GALNT13: variants seen among roughly 807,000 people sequenced by gnomAD.
GALNT13 encodes the protein polypeptide N-acetylgalactosaminyltransferase 13.
A neutral mutation model predicts 64.2 loss-of-function variants in GALNT13; 28 were observed. That is an observed-to-expected ratio of 0.44 (90% CI 0.32 to 0.60). The LOEUF (loss-of-function observed/expected upper bound fraction) is 0.60, where lower values mean the gene tolerates loss of function less well. GALNT13 is among the 20% of genes least tolerant of loss of function. The pLI, the probability that GALNT13 is intolerant of heterozygous loss-of-function variation, is 0.05. For synonymous variants in GALNT13, 214 were observed against 224.6 expected (o/e 0.95, Z 0.42); for missense variants, 577 against 669.8 (o/e 0.86, Z 1.53).
chr2:153,243,595 T>G, the GALNT13 span, among the ~76,000 whole-genome samples: 2 of 152,200 alleles, frequency 1.3e-5, no homozygotes, highest in Non-Finnish European at 2.9e-5. Context: ...GCAGAATGTG[T>G]TTTTGCAAGT....
chr2:153,266,259 T>G, the GALNT13 span, among the ~76,000 whole-genome samples: 14 of 152,216 alleles, frequency 9.2e-5, no homozygotes, highest in Non-Finnish European at 1.3e-4. Context: ...TTTAGTAAGA[T>G]GTATCTGAAA....
intron 10 of GALNT13, among the ~76,000 whole-genome samples, chr2:154,397,157 C>T (rs762398222): frequency 3.7e-4 from 57 of 152,014 alleles, no homozygotes; most frequent in Non-Finnish European, 7.1e-4. Context: ...ATAAATAGGC[C>T]GGGAGCAGTG....
chr2:154,323,514 A>T lies in GALNT13; in HGVS notation c.1156+21925A>T, dbSNP rs561796958. On this transcript the variant is annotated intron_variant, in intron 9 of 12. Transcript: ENST00000392825. ...TTTTATTTGAATGTTTTACTGAAAA[A>T]TGTGTATTGTTTGGGGTTGATTTAT... is the stretch of plus-strand genomic sequence containing the variant. Among the ~76,000 whole-genome samples, 354 of 152,142 alleles carry T rather than the reference A, an allele frequency of 2.3e-3. 1 individual carries two copies. Among genetic ancestry groups the T allele is most frequent in the African/African-American group, 7.7e-3 (318 of 41,524 alleles).
chr2:153,521,710 T>G, the GALNT13 span, among the ~76,000 whole-genome samples: 45 of 152,218 alleles, frequency 3.0e-4, no homozygotes, highest in Non-Finnish European at 3.2e-4. Context: ...CCTCTCTCCC[T>G]CTACTCCTGG....
chr2:153,517,466 A>T, the GALNT13 span, among the ~76,000 whole-genome samples: 5 of 152,296 alleles, frequency 3.3e-5, no homozygotes, highest in African/African-American at 1.2e-4. Flanking sequence ...TGGTGCCAGA[A>T]AGCAGAGAAA....
the GALNT13 span, among the ~76,000 whole-genome samples, chr2:153,522,114 C>T: frequency 6.6e-6 from 1 of 152,054 alleles, no homozygotes; most frequent in Non-Finnish European, 1.5e-5. Flanking sequence ...GTGGGCAGAT[C>T]GCTAGCTCAG....
the GALNT13 span, among the ~76,000 whole-genome samples, chr2:153,778,936 G>T: frequency 6.6e-6 from 1 of 152,190 alleles, no homozygotes; most frequent in Non-Finnish European, 1.5e-5. Flanking sequence ...TAATAGGAAA[G>T]CAGGTAAGAT....
At chr2:154,030,132 T>C (rs1698246250) in intron 3 of GALNT13, among the ~76,000 whole-genome samples, 1 of 149,522 alleles carries the variant, frequency 6.7e-6, no homozygotes, top group Admixed American at 6.8e-5. Flanking sequence ...CTGAAATTAA[T>C]GACAAAGAAA....
the GALNT13 span, among the ~76,000 whole-genome samples, chr2:153,311,144 A>G: frequency 6.6e-6 from 1 of 152,214 alleles, no homozygotes; most frequent in East Asian, 1.9e-4. Context: ...TTTTAAGAGC[A>G]AAGGTAAAGA....
intron 4 of GALNT13, among the ~76,000 whole-genome samples, chr2:154,158,931 C>T (rs1403272353): frequency 6.6e-6 from 1 of 152,068 alleles, no homozygotes; most frequent in Non-Finnish European, 1.5e-5. Context: ...TATAAAATTA[C>T]TCCAACCCGT....
chr2:153,737,554 A>G, the GALNT13 span, among the ~76,000 whole-genome samples: 2 of 151,968 alleles, frequency 1.3e-5, no homozygotes, highest in Non-Finnish European at 2.9e-5. Flanking sequence ...CTTCTTCCTT[A>G]CTTATGTTTA....
chr2:153,179,687 C>G, the GALNT13 span, among the ~76,000 whole-genome samples: 1 of 151,950 alleles, frequency 6.6e-6, no homozygotes, highest in Non-Finnish European at 1.5e-5. Context: ...ACCATGAACA[C>G]GAGGTATCTT....
chr2:153,510,739 A>C, the GALNT13 span, among the ~76,000 whole-genome samples: 1 of 127,616 alleles, frequency 7.8e-6, no homozygotes, highest in Non-Finnish European at 1.6e-5. Flanking sequence ...GTGCAGCCAG[A>C]ATTGAGAAGC....
chr2:153,700,405 G>T, the GALNT13 span, among the ~76,000 whole-genome samples: 1,859 of 152,244 alleles, frequency 0.012, 26 homozygotes, highest in South Asian at 0.039. Context: ...GGCAAAAGCT[G>T]GAAGCATTCC....
chr2:153,693,745 A>G, the GALNT13 span, among the ~76,000 whole-genome samples: 2 of 152,084 alleles, frequency 1.3e-5, no homozygotes, highest in African/African-American at 4.8e-5. Flanking sequence ...CACATTTTAC[A>G]TGTAGAAAGA....
At chr2:153,569,469 T>C in the GALNT13 span, among the ~76,000 whole-genome samples, 1 of 151,984 alleles carries the variant, frequency 6.6e-6, no homozygotes, top group African/African-American at 2.4e-5. Flanking sequence ...CAGTTGAATA[T>C]GTGTGGCATG....
At chr2:154,109,719 A>G (rs548840086) in intron 3 of GALNT13, among the ~76,000 whole-genome samples, 1 of 152,292 alleles carries the variant, frequency 6.6e-6, no homozygotes, top group South Asian at 2.1e-4. Context: ...CTTTTTCTAC[A>G]TTTAATGAAA....
chr2:153,266,689 A>G, the GALNT13 span, among the ~76,000 whole-genome samples: 2 of 152,114 alleles, frequency 1.3e-5, no homozygotes, highest in Non-Finnish European at 2.9e-5. Context: ...CCATGATCCA[A>G]TCACATTGAA....
At chr2:154,333,641 G>A (rs1011290958) in intron 9 of GALNT13, among the ~76,000 whole-genome samples, 1 of 151,950 alleles carries the variant, frequency 6.6e-6, no homozygotes, top group East Asian at 1.9e-4. Flanking sequence ...ACTTGAAATA[G>A]CAATGAATTC....
Sources: allele counts gnomAD v4.1 joint callset (sites outside exome capture counted in the v4.1 genomes callset), GRCh38; gene constraint gnomAD v4.1.1; transcripts MANE v1.5; gene names NCBI Gene and HGNC (gene_info 2026-07-23, HGNC 2026-07-21).